The following NUDT16L1 variants were observed in gnomAD, a reference collection of about 807,000 sequenced individuals.
NUDT16L1 encodes the protein tudor-interacting repair regulator protein.
NUDT16L1 carries 19 observed loss-of-function variants against 17.3 expected under a neutral mutation model. The observed-to-expected ratio is 1.10, with a 90% CI of 0.77 to 1.61. NUDT16L1 has a LOEUF of 1.61. Ranked by LOEUF, NUDT16L1 falls within the 40% of genes most tolerant of loss-of-function variation. The pLI is 0.00. For synonymous variants in NUDT16L1, 255 were observed against 138.6 expected (o/e 1.84, Z -5.90); for missense variants, 341 against 292.0 (o/e 1.17, Z -1.22).
exon 3 of NUDT16L1, chr16:4,695,298 C>G: frequency 1.0e-6 from 1 of 1,001,014 alleles, no homozygotes; most frequent in Non-Finnish European, 1.5e-6. Flanking sequence ...GAGTGGGCAT[C>G]CTGTCATCAT....
intron 2 of NUDT16L1, 80 bp downstream of exon 2, chr16:4,694,318 C>T: frequency 3.4e-6 from 5 of 1,489,984 alleles, no homozygotes; most frequent in South Asian, 1.3e-5. Flanking sequence ...GGTAACACGT[C>T]TCCTGAGGGT....
exon 3 of NUDT16L1, chr16:4,695,512 G>A (rs2079523037): frequency 1.1e-5 from 6 of 546,304 alleles, no homozygotes; most frequent in East Asian, 2.9e-5. Context: ...GTCCCACAGG[G>A]GTGGCGCACA....
exon 3 of NUDT16L1, chr16:4,695,121 C>T (rs1230855349): frequency 1.2e-6 from 2 of 1,613,406 alleles, no homozygotes; most frequent in Admixed American, 3.3e-5. Context: ...GAGGCCCTGG[C>T]TGCAGCCACC....
rs754369739 is a variant in NUDT16L1, at chr16:4,693,887, C to CGGGCGA, written c.153+14_153+19dup. The stretch of plus-strand genomic sequence containing the variant: ...ATGCGCTTCTCGGTGCTGGTGAGGA[C>CGGGCGA]GGGCGAGGGCGCGGGCGAGGGTGCC... On this transcript the variant is annotated intron_variant, in intron 1 of 2. Coordinates refer to ENST00000304301, the Ensembl canonical transcript of NUDT16L1. 254 of 1,501,052 alleles carry CGGGCGA rather than the reference C, an allele frequency of 1.7e-4. No individual in the cohort carries two copies. The highest frequency in any genetic ancestry group is 1.9e-4 in the Non-Finnish European group (219 of 1,134,452). The allele number at this position is 1,501,052 out of a possible 1,614,324, so 93.0% of individuals were successfully genotyped here.
At chr16:4,694,144 G>A (rs1281434751) in exon 2 of NUDT16L1, 3 of 1,587,788 alleles carry the variant, frequency 1.9e-6, no homozygotes, top group Non-Finnish European at 2.6e-6. Flanking sequence ...GGCCCACACC[G>A]CGTCGTGGCG....
intron 2 of NUDT16L1, 101 bp from the exon 3 acceptor site, chr16:4,694,857 C>T (rs952339618): frequency 4.7e-6 from 7 of 1,481,306 alleles, no homozygotes; most frequent in Admixed American, 4.7e-5. Context: ...CTTGGCAAAG[C>T]TGGCTGCTCA....
chr16:4,693,766 C>A, exon 1 of NUDT16L1: 3 of 1,561,660 alleles, frequency 1.9e-6, no homozygotes, highest in East Asian at 2.6e-5. Context: ...GCAGATCAGC[C>A]GGGTGGAGGC....
At chr16:4,693,836 C>T (rs777503099) in exon 1 of NUDT16L1, 2 of 1,563,646 alleles carry the variant, frequency 1.3e-6, no homozygotes. Context: ...GCCGCCAACC[C>T]TGGGCAGCTC....
chr16:4,694,300 C>T (rs1379575410), intron 2 of NUDT16L1, 62 bp downstream of exon 2: 2 of 1,481,440 alleles, frequency 1.4e-6, no homozygotes, highest in Non-Finnish European at 1.8e-6. Context: ...CCGTGGAAGG[C>T]ACCGATGGGT....
At chr16:4,694,084 G>A (rs1167754724) in exon 2 of NUDT16L1, 9 of 1,591,074 alleles carry the variant, frequency 5.7e-6, no homozygotes, top group Middle Eastern at 1.7e-4. Context: ...CTGGGCCTGG[G>A]CTGCCTGCGC....
In NUDT16L1 at chr16:4,693,732, G is replaced by C. The variant is rs746889715; in HGVS notation, c.6G>C (p.Ser2=). The C allele has an allele frequency of 1.2e-5, 19 of 1,534,058 alleles. No individual in the cohort carries two copies. The South Asian group carries it at 2.2e-4, about 18-fold the overall frequency. Residue 2 remains serine (S), a synonymous_variant, in exon 1 of 3, where the codon TCG becomes TCC. Transcript: ENST00000304301. ...GGGACGGGGTCAGTGCCAAGATGTCGACGGCGGCGGTTCCGGAGCTGAAGC... is the reference window on the plus strand; with the variant it reads ...GGGACGGGGTCAGTGCCAAGATGTCCACGGCGGCGGTTCCGGAGCTGAAGC...
At chr16:4,694,835 TC>T in intron 2 of NUDT16L1, 122 bp from the exon 3 acceptor site, 1 of 1,459,394 alleles carries the variant, frequency 6.9e-7, no homozygotes, top group South Asian at 1.4e-5. Flanking sequence ...TGCGTGGGTC[TC>T]CCATTAAGTC....
At chr16:4,695,394 C>T (rs192109709) in exon 3 of NUDT16L1, 4 of 600,874 alleles carry the variant, frequency 6.7e-6, no homozygotes, top group African/African-American at 3.7e-5. Flanking sequence ...GTGGTCCGGG[C>T]ACACTGGGCC....
At position 4,693,889 on chromosome 16, in the gene NUDT16L1, G is replaced by A; in HGVS notation, c.153+10G>A. 1 of 1,503,144 alleles carries A rather than the reference G, an allele frequency of 6.7e-7. No individual in the cohort carries two copies. Among genetic ancestry groups the A allele is most frequent in the East Asian group, 2.8e-5 (1 of 35,482 alleles). 93.1% of individuals were successfully genotyped at this position (1,503,144 alleles called of 1,614,324 possible). A position where few individuals can be genotyped will look rare whatever the true frequency, so the allele number is the denominator to read the frequency against. On this transcript the variant is annotated intron_variant, in intron 1 of 2. Transcript: ENST00000304301. ...GCGCTTCTCGGTGCTGGTGAGGACGGGCGAGGGCGCGGGCGAGGGTGCCGG... is the reference window on the plus strand; with the variant it reads ...GCGCTTCTCGGTGCTGGTGAGGACGAGCGAGGGCGCGGGCGAGGGTGCCGG...
At chr16:4,693,792 G>C in exon 1 of NUDT16L1, 2 of 1,571,650 alleles carry the variant, frequency 1.3e-6, no homozygotes, top group Non-Finnish European at 1.7e-6. Flanking sequence ...GCCTAGGGCC[G>C]GGCTGGAGCC....
chr16:4,694,444 C>T (rs1191160441), intron 2 of NUDT16L1: 8 of 1,523,024 alleles, frequency 5.3e-6, no homozygotes, highest in East Asian at 2.5e-5. Flanking sequence ...CTGGGGCTCC[C>T]TCAGGGCTGT....
rs536727150 is a variant in NUDT16L1, at chr16:4,694,397, G to A, written c.414+159G>A. On this transcript the variant is annotated intron_variant, in intron 2 of 2. Coordinates refer to ENST00000304301, the Ensembl canonical transcript of NUDT16L1. ...GGTGGGGAGAGGGGTCTGGGGCTGG[G>A]AGGCCGGGAAAGGAGGGGCGGGGGT... The A allele has an allele frequency of 4.5e-5, 67 of 1,475,918 alleles. No homozygotes were observed. In the African/African-American group the frequency reaches 8.8e-4, roughly 19 times the overall value. 91.4% of individuals were successfully genotyped at this position (1,475,918 alleles called of 1,614,324 possible). A position where few individuals can be genotyped will look rare whatever the true frequency, so the allele number is the denominator to read the frequency against.
intron 2 of NUDT16L1, chr16:4,694,492 G>A: frequency 6.6e-7 from 1 of 1,517,728 alleles, no homozygotes; most frequent in Non-Finnish European, 8.8e-7. Flanking sequence ...GCCAATCCTG[G>A]GAGTGGGGGA....
rs778696361 is a variant in NUDT16L1 at position 4,693,757 on chromosome 16, C to T, written c.31C>T (p.Gln11Ter). 6 of 1,556,548 alleles carry T rather than the reference C, an allele frequency of 3.9e-6. No homozygotes were observed. The highest frequency in any genetic ancestry group is 1.7e-4 in the Middle Eastern group (1 of 5,780). ...GACGGCGGCGGTTCCGGAGCTGAAG[C>T]AGATCAGCCGGGTGGAGGCGATGCG... Residue 11 changes from glutamine to a stop codon, truncating the protein, a stop_gained, in exon 1 of 3, where the codon CAG (glutamine) becomes TAG (stop). Coordinates refer to ENST00000304301, the Ensembl canonical transcript of NUDT16L1. LOFTEE classifies it high-confidence loss of function.
Sources: gnomAD v4.1 joint callset for allele counts on GRCh38, gnomAD v4.1.1 for gene constraint, MANE v1.5 for transcripts, NCBI Gene and HGNC (gene_info 2026-07-23, HGNC 2026-07-21) for gene names.